Variants in PLXDC1 observed in about 807,000 individuals in gnomAD.
The protein encoded by PLXDC1 is plexin domain-containing protein 1.
Under a neutral mutation model 61.3 loss-of-function variants are expected in PLXDC1, and 39 were observed. The ratio of observed to expected loss-of-function variants is 0.64; its 90% CI spans 0.49 to 0.83. PLXDC1 has a LOEUF of 0.83. PLXDC1 is among the 40% of genes least tolerant of loss of function. PLXDC1 has a pLI of 0.00. For missense variants in PLXDC1, 596 were observed against 666.5 expected, an observed-to-expected ratio of 0.89 and a Z score of 1.17; for synonymous variants, 212 against 254.5, an observed-to-expected ratio of 0.83 and a Z score of 1.59.
At chr17:39,068,690 C>T (rs1425008192) in intron 13 of PLXDC1, among the ~76,000 whole-genome samples, 1 of 152,160 alleles carries the variant, frequency 6.6e-6, no homozygotes, top group East Asian at 1.9e-4. Flanking sequence ...AAATAAAATG[C>T]AGATTCCTGG....
intron 1 of PLXDC1, among the ~76,000 whole-genome samples, chr17:39,147,458 C>T (rs1034609718): frequency 1.3e-5 from 2 of 152,200 alleles, no homozygotes; most frequent in African/African-American, 2.4e-5. Flanking sequence ...GGCAACACAC[C>T]AGTTAGGGTC....
rs73983235 is a variant in PLXDC1, at chr17:39,145,933, G to T, written c.76+5429C>A. Among the ~76,000 whole-genome samples the T allele has an allele frequency of 6.7e-3, 1,015 of 152,270 alleles. 13 individuals are homozygous for T. The highest frequency in any genetic ancestry group is 0.023 in the African/African-American group (952 of 41,540). ...CAAAATCATATACACAGAGCACCCA[G>T]CAAGTCGCCCTGCCTTCCCTGGGTT... On this transcript the variant is annotated intron_variant, in intron 1 of 13. Transcript: ENST00000315392.
In PLXDC1 at chr17:39,079,501, C is replaced by T. The variant is rs118145737; in HGVS notation, c.990-337G>A. ...GCTGAGAATCCAGGCAATTCACATACGTGTTTTCATCCTGGTTGTTGAGGG... is the reference window on the plus strand; with the variant it reads ...GCTGAGAATCCAGGCAATTCACATATGTGTTTTCATCCTGGTTGTTGAGGG... On this transcript the variant is annotated intron_variant, in intron 9 of 13. Coordinates refer to ENST00000315392, the MANE Select transcript of PLXDC1 (RefSeq NM_020405.5). 2,290 of 469,870 alleles carry T rather than the reference C, an allele frequency of 4.9e-3. 97 individuals are homozygous for T. In the East Asian group the frequency reaches 0.098, roughly 20 times the overall value. 29.1% of individuals were successfully genotyped at this position (469,870 alleles called of 1,614,324 possible).
At chr17:39,068,520 T>C (rs951015342) in intron 13 of PLXDC1, among the ~76,000 whole-genome samples, 1 of 152,060 alleles carries the variant, frequency 6.6e-6, no homozygotes, top group South Asian at 2.1e-4. Context: ...CCACTAAAAA[T>C]ACAAAAATTA....
chr17:39,139,023 C>T (rs962709924), intron 2 of PLXDC1, among the ~76,000 whole-genome samples: 1 of 152,086 alleles, frequency 6.6e-6, no homozygotes, highest in Non-Finnish European at 1.5e-5. Flanking sequence ...TTCCCAGAAA[C>T]GCACAATTAT....
chr17:39,099,884 C>T (rs1910360675), intron 7 of PLXDC1, among the ~76,000 whole-genome samples: 1 of 152,114 alleles, frequency 6.6e-6, no homozygotes, highest in Non-Finnish European at 1.5e-5. Flanking sequence ...GCCTGGTATC[C>T]ACACCCAGGT....
At chr17:39,134,347 G>A (rs963794131) in intron 2 of PLXDC1, among the ~76,000 whole-genome samples, 3 of 151,806 alleles carry the variant, frequency 2.0e-5, no homozygotes, top group Non-Finnish European at 2.9e-5. Flanking sequence ...CCACATTGGC[G>A]GGGTGTGGTG....
intron 2 of PLXDC1, among the ~76,000 whole-genome samples, chr17:39,137,054 G>A (rs1911776656): frequency 6.6e-6 from 1 of 152,124 alleles, no homozygotes; most frequent in Admixed American, 6.5e-5. Context: ...GTCCCCCAAC[G>A]TCCAGCATGG....
At chr17:39,121,618 A>G (rs1266732068) in intron 2 of PLXDC1, among the ~76,000 whole-genome samples, 1 of 152,202 alleles carries the variant, frequency 6.6e-6, no homozygotes, top group Non-Finnish European at 1.5e-5. Context: ...GTTTTGATGG[A>G]GGAACCCCAC....
At position 39,151,204 on chromosome 17, in the gene PLXDC1, C is replaced by T. The variant is rs1219246695; in HGVS notation, c.76+158G>A. ...CCTATGTGTTTGGGAAAGTGGGGTC[C>T]CTATCCACCTGCCCACAGCCCACAG... On this transcript the variant is annotated intron_variant, in intron 1 of 13. Coordinates refer to ENST00000315392, the MANE Select transcript of PLXDC1 (RefSeq NM_020405.5). This position sits in a 1 kb window ranked among gnomAD's most constrained non-coding sequence, Gnocchi z 5.2. Among the ~76,000 whole-genome samples the T allele has an allele frequency of 6.6e-6, 1 of 152,216 alleles. No homozygotes were observed. The highest frequency in any genetic ancestry group is 1.5e-5 in the Non-Finnish European group (1 of 68,024).
At chr17:39,122,838 A>C (rs1163913950) in intron 2 of PLXDC1, among the ~76,000 whole-genome samples, 2 of 152,236 alleles carry the variant, frequency 1.3e-5, no homozygotes, top group East Asian at 3.8e-4. Flanking sequence ...TATGGATTTC[A>C]AACATTTTTG....
rs913221129 is a variant in PLXDC1, at chr17:39,145,940, G to T, written c.76+5422C>A. Among the ~76,000 whole-genome samples the T allele has an allele frequency of 2.6e-5, 4 of 152,106 alleles. No individual in the cohort carries two copies. The East Asian group carries it at 7.7e-4, about 29-fold the overall frequency. ...ATATACACAGAGCACCCAGCAAGTC[G>T]CCCTGCCTTCCCTGGGTTTCACATG... On this transcript the variant is annotated intron_variant, in intron 1 of 13. Coordinates refer to ENST00000315392, the MANE Select transcript of PLXDC1 (RefSeq NM_020405.5).
In PLXDC1 at chr17:39,087,668, G is replaced by C. The variant is rs770026375; in HGVS notation, c.846C>G (p.Arg282=). The part of the protein sequence containing the change: ...SRRRSIFEYH[R]IELDPSKVTS... ...TGACCTTGCTGGGGTCCAGCTCTAT[G>C]CGGTGATATTCAAAGATGCTCCTTC... is the stretch of plus-strand genomic sequence containing the variant. Residue 282 remains arginine, a synonymous_variant, in exon 8 of 14, where the codon CGC becomes CGG. Transcript: ENST00000315392. 1.2e-6 allele frequency: 2 copies of C among 1,614,056 alleles called. No homozygotes were observed. Among genetic ancestry groups the C allele is most frequent in the African/African-American group, 1.3e-5 (1 of 75,054 alleles).
chr17:39,079,273 C>T, intron 9 of PLXDC1, 109 bp from the exon 10 acceptor site: 1 of 929,738 alleles, frequency 1.1e-6, no homozygotes, highest in Non-Finnish European at 1.7e-6. Flanking sequence ...GAGCCAAGGT[C>T]CCCAGGCTGA....
At chr17:39,088,996 A>C (rs1432709528) in intron 7 of PLXDC1, among the ~76,000 whole-genome samples, 1 of 149,514 alleles carries the variant, frequency 6.7e-6, no homozygotes, top group African/African-American at 2.4e-5. Flanking sequence ...AAAGAAAGAA[A>C]GAGAAAAAGA....
At chr17:39,086,921 G>C (rs1306718173) in intron 8 of PLXDC1, among the ~76,000 whole-genome samples, 2 of 151,518 alleles carry the variant, frequency 1.3e-5, no homozygotes, top group African/African-American at 4.9e-5. Context: ...CAGGGAGAAG[G>C]CCATGGCTTC....
rs1909491625 is a variant in PLXDC1, at chr17:39,079,966, T to C, written c.990-802A>G. 11 of 197,254 alleles carry C rather than the reference T, an allele frequency of 5.6e-5. No individual in the cohort carries two copies. In the South Asian group the frequency reaches 9.4e-4, roughly 17 times the overall value. 12.2% of individuals were successfully genotyped at this position (197,254 alleles called of 1,614,324 possible). On this transcript the variant is annotated intron_variant, in intron 9 of 13. Coordinates refer to ENST00000315392, the MANE Select transcript of PLXDC1 (RefSeq NM_020405.5). ...AAGGCTTGCCAGGAGCTGTCAGTCT[T>C]TCCTTCTGCAGATGCCTCTGGGCTC...
chr17:39,129,541 C>A (rs768993200), intron 2 of PLXDC1, among the ~76,000 whole-genome samples: 59 of 150,990 alleles, frequency 3.9e-4, no homozygotes, highest in Admixed American at 1.2e-3. Flanking sequence ...CGTTTGAACC[C>A]GGGAGGCGGA....
chr17:39,092,323 C>G (rs891581332), intron 7 of PLXDC1, among the ~76,000 whole-genome samples: 4 of 152,186 alleles, frequency 2.6e-5, no homozygotes, highest in African/African-American at 9.7e-5. Flanking sequence ...ATCTGCCTGC[C>G]TCAGCCTCCC....
Sources: allele counts gnomAD v4.1 joint callset (sites outside exome capture counted in the v4.1 genomes callset), GRCh38; gene constraint gnomAD v4.1.1; non-coding constraint Gnocchi (gnomAD v3.1); transcripts MANE v1.5; gene names NCBI Gene and HGNC (gene_info 2026-07-23, HGNC 2026-07-21).